Variants in GPC6 observed in about 807,000 individuals in gnomAD.
The protein encoded by GPC6 is glypican 6, also known as glypican-6.
Under a neutral mutation model 55.2 loss-of-function variants are expected in GPC6, and 14 were observed. That is an observed-to-expected ratio of 0.25 (90% CI 0.17 to 0.40). The LOEUF (loss-of-function observed/expected upper bound fraction) is 0.40, where lower values mean the gene tolerates loss of function less well. GPC6 is among the 10% of genes least tolerant of loss of function. The probability of loss-of-function intolerance (pLI) is 1.00; values close to 1 mark genes in which losing one functional copy is unlikely to be tolerated. For missense variants in GPC6, 641 were observed against 708.5 expected, an observed-to-expected ratio of 0.90 and a Z score of 1.08; for synonymous variants, 278 against 259.6, an observed-to-expected ratio of 1.07 and a Z score of -0.68.
chr13:93,996,630 G>A (rs1243929740), intron 3 of GPC6, among the ~76,000 whole-genome samples: 3 of 151,946 alleles, frequency 2.0e-5, no homozygotes, highest in African/African-American at 7.3e-5. Flanking sequence ...ACCACTCCAG[G>A]TCACAGTAGG....
At chr13:94,332,117 G>A (rs566436933) in intron 6 of GPC6, among the ~76,000 whole-genome samples, 2 of 152,264 alleles carry the variant, frequency 1.3e-5, no homozygotes, top group East Asian at 1.9e-4. Flanking sequence ...TCTAGAAACT[G>A]GACATTCCTT....
At chr13:93,660,334 G>A (rs1880869465) in intron 2 of GPC6, among the ~76,000 whole-genome samples, 1 of 151,990 alleles carries the variant, frequency 6.6e-6, no homozygotes, top group Non-Finnish European at 1.5e-5. Flanking sequence ...GCCTGTTGAG[G>A]TAGGTATGGA....
At chr13:94,007,553 C>G (rs772478238) in intron 3 of GPC6, among the ~76,000 whole-genome samples, 2 of 152,200 alleles carry the variant, frequency 1.3e-5, no homozygotes, top group Non-Finnish European at 2.9e-5. Flanking sequence ...GTCTCACTGT[C>G]CCCTCTTCTT....
At chr13:93,506,995 A>G (rs1176511602) in intron 1 of GPC6, among the ~76,000 whole-genome samples, 7 of 137,490 alleles carry the variant, frequency 5.1e-5, no homozygotes, top group Non-Finnish European at 7.6e-5. Context: ...GAGGGAGGCG[A>G]AGCTTGCAGT....
At chr13:94,272,674 T>TA (rs1892078804) in intron 4 of GPC6, among the ~76,000 whole-genome samples, 1 of 151,904 alleles carries the variant, frequency 6.6e-6, no homozygotes, top group African/African-American at 2.4e-5. Context: ...TTCACCGTGT[T>TA]AGCCAGGATG....
At chr13:93,569,921 A>T (rs1876322325) in intron 2 of GPC6, among the ~76,000 whole-genome samples, 2 of 152,122 alleles carry the variant, frequency 1.3e-5, no homozygotes, top group Non-Finnish European at 2.9e-5. Flanking sequence ...GTATCTTTAT[A>T]CCTGTTGGAC....
chr13:93,693,076 G>T (rs1882314874), intron 2 of GPC6, among the ~76,000 whole-genome samples: 1 of 152,068 alleles, frequency 6.6e-6, no homozygotes, highest in Admixed American at 6.6e-5. Flanking sequence ...ATAGAGGAGA[G>T]GAAATTTCTG....
At chr13:93,859,754 G>C (rs1477334339) in intron 3 of GPC6, among the ~76,000 whole-genome samples, 1 of 151,578 alleles carries the variant, frequency 6.6e-6, no homozygotes, top group Non-Finnish European at 1.5e-5. Flanking sequence ...ACTGTAGAAG[G>C]CATCTATAGA....
Position 93,993,346 on chromosome 13 carries a change from C to T in GPC6, c.712-34383C>T, listed in dbSNP as rs552259881. ...CTTGCTCTGTCGCCCAGGCTGAGAG[C>T]GCGGTGGCACAGTCTCAGCTCACTG... On this transcript the variant is annotated intron_variant, in intron 3 of 8. Coordinates refer to ENST00000377047, the MANE Select transcript of GPC6 (RefSeq NM_005708.5). Among the ~76,000 whole-genome samples the T allele has an allele frequency of 5.4e-5, 8 of 147,660 alleles. No homozygotes were observed. In the South Asian group the frequency reaches 1.1e-3, roughly 20 times the overall value.
chr13:93,413,681 A>G (rs1409818319), intron 1 of GPC6, among the ~76,000 whole-genome samples: 2 of 151,986 alleles, frequency 1.3e-5, no homozygotes, highest in Non-Finnish European at 2.9e-5. Context: ...AGTATTATGG[A>G]AGGATGCATG....
chr13:93,278,210 A>G (rs1877823491), intron 1 of GPC6, among the ~76,000 whole-genome samples: 1 of 152,206 alleles, frequency 6.6e-6, no homozygotes. Flanking sequence ...TGCCACAGTG[A>G]TTCAGTTTCA....
At chr13:93,912,307 C>T (rs1409116268) in intron 3 of GPC6, among the ~76,000 whole-genome samples, 2 of 152,150 alleles carry the variant, frequency 1.3e-5, no homozygotes. Flanking sequence ...GCTCTAAATA[C>T]TCTCATGATT....
intron 1 of GPC6, among the ~76,000 whole-genome samples, chr13:93,322,547 C>A (rs1218262837): frequency 1.3e-5 from 2 of 149,816 alleles, no homozygotes; most frequent in Admixed American, 6.7e-5. Flanking sequence ...AGCGATTCTC[C>A]TGCCTCAGCC....
At chr13:93,544,105 T>C (rs529388718) in intron 1 of GPC6, among the ~76,000 whole-genome samples, 143 of 151,824 alleles carry the variant, frequency 9.4e-4, no homozygotes, top group African/African-American at 3.2e-3. Flanking sequence ...GACATTTGAG[T>C]GTCTTTTAAT....
At chr13:93,735,663 C>T (rs1027291129) in intron 2 of GPC6, among the ~76,000 whole-genome samples, 8 of 152,282 alleles carry the variant, frequency 5.3e-5, no homozygotes, top group African/African-American at 7.2e-5. Context: ...CCATTTTGTC[C>T]TTCGTCTTTG....
chr13:94,034,939 A>G (rs984431879), intron 4 of GPC6, among the ~76,000 whole-genome samples: 7 of 150,352 alleles, frequency 4.7e-5, no homozygotes, highest in African/African-American at 1.7e-4. Flanking sequence ...TATATATAAT[A>G]TGATAGGAAG....
chr13:94,333,879 C>A (rs1364282466), intron 6 of GPC6, among the ~76,000 whole-genome samples: 1 of 152,060 alleles, frequency 6.6e-6, no homozygotes, highest in Non-Finnish European at 1.5e-5. Flanking sequence ...GCCTGTGCAA[C>A]TATTAGGATG....
At chr13:94,301,175 G>A (rs1036240488) in intron 5 of GPC6, among the ~76,000 whole-genome samples, 1 of 152,170 alleles carries the variant, frequency 6.6e-6, no homozygotes, top group Admixed American at 6.5e-5. Context: ...TTAATAGGTG[G>A]AATCTATGAT....
chr13:93,853,423 T>G (rs1349961277), intron 3 of GPC6, among the ~76,000 whole-genome samples: 1 of 151,698 alleles, frequency 6.6e-6, no homozygotes, highest in Non-Finnish European at 1.5e-5. Context: ...GAGGTTAAAG[T>G]GTAGAACTGA....
Sources: allele counts gnomAD v4.1 joint callset (sites outside exome capture counted in the v4.1 genomes callset), GRCh38; gene constraint gnomAD v4.1.1; transcripts MANE v1.5; gene names NCBI Gene and HGNC (gene_info 2026-07-23, HGNC 2026-07-21).